MND1: variants seen among roughly 807,000 people sequenced by gnomAD.
MND1 encodes the protein meiotic nuclear division protein 1 homolog.
In MND1, 28 loss-of-function variants were observed where a neutral mutation model predicts 35.1. That is an observed-to-expected ratio of 0.80 (90% confidence interval 0.59 to 1.09). The LOEUF (loss-of-function observed/expected upper bound fraction) is 1.09, where lower values mean the gene tolerates loss of function less well. Ranked by LOEUF, MND1 falls within the 50% of genes least tolerant of loss-of-function variation. The pLI, the probability that MND1 is intolerant of heterozygous loss-of-function variation, is 0.00. For missense variants in MND1, 213 were observed against 239.6 expected, an observed-to-expected ratio of 0.89 and a Z score of 0.73; for synonymous variants, 69 against 70.5, an observed-to-expected ratio of 0.98 and a Z score of 0.11.
intron 1 of MND1, 141 bp downstream of exon 1, chr4:153,344,881 CG>C: frequency 7.3e-7 from 1 of 1,379,128 alleles, no homozygotes; most frequent in Admixed American, 2.5e-5. Context: ...TCGGCCTCAC[CG>C]TGTAGGGGCC....
intron 2 of MND1, among the ~76,000 whole-genome samples, chr4:153,355,232 A>G (rs1164508785): frequency 1.3e-5 from 2 of 152,306 alleles, no homozygotes; most frequent in Non-Finnish European, 1.5e-5. Context: ...TATTGAAGGT[A>G]TGGAATGAGA....
At chr4:153,370,364 C>T (rs1773760918) in intron 4 of MND1, among the ~76,000 whole-genome samples, 1 of 151,976 alleles carries the variant, frequency 6.6e-6, no homozygotes, top group Non-Finnish European at 1.5e-5. Context: ...TCTGCTTCTC[C>T]TTCTCATTCT....
chr4:153,397,901 G>A (rs1255649884), intron 6 of MND1, among the ~76,000 whole-genome samples: 1 of 151,094 alleles, frequency 6.6e-6, no homozygotes, highest in Non-Finnish European at 1.5e-5. Context: ...TAAGGAAGAA[G>A]TGTGGGATAG....
chr4:153,408,287 A>AAATG (rs1195148310), intron 6 of MND1, among the ~76,000 whole-genome samples: 4 of 152,174 alleles, frequency 2.6e-5, no homozygotes, highest in Non-Finnish European at 5.9e-5. Context: ...GTAAATAAAT[A>AAATG]AATAAAAATT....
chr4:153,351,621 G>A (rs79160463), intron 2 of MND1, among the ~76,000 whole-genome samples: 6 of 152,234 alleles, frequency 3.9e-5, no homozygotes, highest in African/African-American at 1.4e-4. Context: ...AAAGCAAATC[G>A]CCAATAATGG....
At chr4:153,379,289 C>CAAAAAAA (rs35306831) in intron 4 of MND1, among the ~76,000 whole-genome samples, 1 of 74,910 alleles carries the variant, frequency 1.3e-5, no homozygotes. Context: ...GACTCTGTCT[C>CAAAAAAA]AAAAAAAAAA....
At chr4:153,346,506 A>AT (rs1202242615) in intron 1 of MND1, among the ~76,000 whole-genome samples, 1 of 152,110 alleles carries the variant, frequency 6.6e-6, no homozygotes, top group Non-Finnish European at 1.5e-5. Flanking sequence ...ATCCTCATTG[A>AT]TTTTTTTGAG....
chr4:153,355,178 A>G (rs749357624), intron 2 of MND1, among the ~76,000 whole-genome samples: 6 of 151,954 alleles, frequency 3.9e-5, no homozygotes, highest in Non-Finnish European at 7.4e-5. Flanking sequence ...AAAAAATTGT[A>G]TATATATGCA....
rs559774553 is a variant in MND1 at position 153,414,913 on chromosome 4, A to G, written c.*56A>G. 44 of 726,244 alleles carry G rather than the reference A, an allele frequency of 6.1e-5. No homozygotes were observed. In the African/African-American group the frequency reaches 7.4e-4, roughly 12 times the overall value. The allele number at this position is 726,244 out of a possible 1,614,324, so 45.0% of individuals were successfully genotyped here. A position where few individuals can be genotyped will look rare whatever the true frequency, so the allele number is the denominator to read the frequency against. On this transcript the variant is annotated 3_prime_UTR_variant, in exon 8 of 8. Transcript: ENST00000240488. ...CTTGTGAATATGTAAATTTTAAACT[A>G]TTATCTAACTAAGTGTACTGAATTG...
intron 7 of MND1, among the ~76,000 whole-genome samples, chr4:153,410,745 C>T (rs1033905670): frequency 2.6e-4 from 39 of 152,170 alleles, no homozygotes; most frequent in Admixed American, 2.6e-3. Context: ...AATCCCAGCA[C>T]TTTGGGAGGC....
chr4:153,375,852 GAAAT>G (rs1190905525), intron 4 of MND1, among the ~76,000 whole-genome samples: 3 of 152,072 alleles, frequency 2.0e-5, no homozygotes, highest in African/African-American at 7.2e-5. Flanking sequence ...CTGAAAAGCT[GAAAT>G]AAATCTTTGT....
In MND1 at chr4:153,397,419, T is replaced by C; in HGVS notation, c.466+86T>C. On this transcript the variant is annotated intron_variant, in intron 6 of 7. Transcript: ENST00000240488. ...CTAGTTGCCTGCTAACTATTCTCCATGTATATGAGAAAATAAAACTAGTTA... is the reference window on the plus strand; with the variant it reads ...CTAGTTGCCTGCTAACTATTCTCCACGTATATGAGAAAATAAAACTAGTTA... 3 of 886,124 alleles carry C rather than the reference T, an allele frequency of 3.4e-6. No homozygotes were observed. The South Asian group carries it at 5.4e-5, about 16-fold the overall frequency. The allele number at this position is 886,124 out of a possible 1,614,324, so 54.9% of individuals were successfully genotyped here.
chr4:153,403,118 A>G (rs535252056), intron 6 of MND1, among the ~76,000 whole-genome samples: 1 of 152,264 alleles, frequency 6.6e-6, no homozygotes, highest in East Asian at 1.9e-4. Flanking sequence ...CTTGGGTGAC[A>G]GAGTGAGAAC....
At chr4:153,356,615 C>T (rs1009012548) in intron 3 of MND1, among the ~76,000 whole-genome samples, 11 of 149,262 alleles carry the variant, frequency 7.4e-5, no homozygotes, top group Non-Finnish European at 1.2e-4. Flanking sequence ...CAGATTGCCA[C>T]GTTTCTCCAC....
chr4:153,366,361 C>T (rs766815623), intron 4 of MND1, among the ~76,000 whole-genome samples: 4 of 152,150 alleles, frequency 2.6e-5, no homozygotes, highest in Admixed American at 6.5e-5. Flanking sequence ...ATTTAACCTA[C>T]CACAGCAGTT....
intron 2 of MND1, among the ~76,000 whole-genome samples, chr4:153,354,133 A>G (rs1439894445): frequency 6.7e-6 from 1 of 149,520 alleles, no homozygotes. Context: ...AGAAAATAAT[A>G]TTCTAGACAG....
At chr4:153,390,939 GTGTA>G (rs1381346468) in intron 4 of MND1, among the ~76,000 whole-genome samples, 128 of 145,722 alleles carry the variant, frequency 8.8e-4, no homozygotes, top group South Asian at 3.4e-3. Flanking sequence ...GTGTGTGTGT[GTGTA>G]TATAAAATGT....
At chr4:153,363,134 G>A (rs766129061) in intron 4 of MND1, 3 of 387,636 alleles carry the variant, frequency 7.7e-6, no homozygotes, top group Non-Finnish European at 1.1e-5. Flanking sequence ...TTTTCCTGGT[G>A]TGCATGTTAG....
intron 4 of MND1, 148 bp from the exon 5 acceptor site, chr4:153,394,114 T>G: frequency 1.7e-6 from 1 of 575,844 alleles, no homozygotes; most frequent in South Asian, 1.7e-5. Context: ...GCCAGGATGG[T>G]CTCCATCTCT....
Sources: gnomAD v4.1 joint callset for allele counts (sites outside exome capture counted in the v4.1 genomes callset) on GRCh38, gnomAD v4.1.1 for gene constraint, MANE v1.5 for transcripts, NCBI Gene and HGNC (gene_info 2026-07-23, HGNC 2026-07-21) for gene names.